DEPTOR: variants seen among roughly 807,000 people sequenced by gnomAD.
The protein encoded by DEPTOR is DEP domain-containing mTOR-interacting protein.
Under a neutral mutation model 41.6 loss-of-function variants are expected in DEPTOR, and 41 were observed. That is an observed-to-expected ratio of 0.98 (90% confidence interval 0.77 to 1.28). DEPTOR has a LOEUF of 1.28. DEPTOR is among the 50% of genes most tolerant of loss of function. DEPTOR has a pLI of 0.00. For synonymous variants in DEPTOR, 195 were observed against 192.3 expected (o/e 1.01, Z -0.12); for missense variants, 514 against 527.9 (o/e 0.97, Z 0.26).
At position 120,001,620 on chromosome 8, in the gene DEPTOR, A is replaced by C. The variant is rs753687397; in HGVS notation, c.700A>C (p.Lys234Gln). The change falls in exon 5 of 9, where the codon AAG becomes CAG. Residue 234 changes from lysine to glutamine, a missense_variant. Transcript: ENST00000286234. ...AAGACTGATGGAGCTGCTCAATGAAAAGTCCCCCTCCTCCCAGGAAACTCA... is the reference window on the plus strand; with the variant it reads ...AAGACTGATGGAGCTGCTCAATGAACAGTCCCCCTCCTCCCAGGAAACTCA... Reference protein sequence around the residue: ...RRRLMELLNEKSPSSQETHDS... With the variant: ...RRRLMELLNEQSPSSQETHDS... 2 of 1,613,976 alleles carry C rather than the reference A, an allele frequency of 1.2e-6. No individual in the cohort carries two copies. Among genetic ancestry groups the C allele is most frequent in the Non-Finnish European group, 1.7e-6 (2 of 1,179,962 alleles).
intron 2 of DEPTOR, 126 bp downstream of exon 2, chr8:119,928,704 G>T (rs1828000096): frequency 3.2e-6 from 3 of 928,324 alleles, no homozygotes; most frequent in Non-Finnish European, 2.9e-6. Context: ...CTCCCTGATT[G>T]CATTTTCTTC....
chr8:120,019,963 C>A (rs1812673945), intron 8 of DEPTOR, among the ~76,000 whole-genome samples: 2 of 152,188 alleles, frequency 1.3e-5, no homozygotes, highest in East Asian at 1.9e-4. Flanking sequence ...TGACTGATTT[C>A]ATTGGATTTC....
In DEPTOR at chr8:120,033,373, A is replaced by G. The variant is rs542150903; in HGVS notation, c.1102-16203A>G. On this transcript the variant is annotated intron_variant, in intron 8 of 8. Coordinates refer to ENST00000286234, the MANE Select transcript of DEPTOR (RefSeq NM_022783.4). ...AAGTGCTGGGATTACAGGTGTGAGCAACTGTGTCTAGCTGTGAGCTATATT... is the reference window on the plus strand; with the variant it reads ...AAGTGCTGGGATTACAGGTGTGAGCGACTGTGTCTAGCTGTGAGCTATATT... 9.9e-5 allele frequency among the ~76,000 whole-genome samples: 15 copies of G among 152,156 alleles called. No individual in the cohort carries two copies. The East Asian group carries it at 2.5e-3, about 26-fold the overall frequency.
chr8:120,011,655 C>T (rs1167582159), intron 8 of DEPTOR, among the ~76,000 whole-genome samples: 1 of 152,064 alleles, frequency 6.6e-6, no homozygotes. Context: ...AACTAAAGAC[C>T]TTGTTTTGCT....
chr8:119,874,369 C>T (rs1362656139), intron 1 of DEPTOR: 1 of 234,126 alleles, frequency 4.3e-6, no homozygotes, highest in Non-Finnish European at 8.3e-6. Flanking sequence ...GGTCCCGAGG[C>T]GACCCCAGCC....
chr8:120,037,523 G>T (rs1230252635), intron 8 of DEPTOR, among the ~76,000 whole-genome samples: 2 of 152,250 alleles, frequency 1.3e-5, no homozygotes, highest in South Asian at 2.1e-4. Flanking sequence ...GGGGGAGCTT[G>T]CTGGCTGAAG....
At chr8:119,890,635 A>G (rs1827440892) in intron 1 of DEPTOR, among the ~76,000 whole-genome samples, 1 of 152,142 alleles carries the variant, frequency 6.6e-6, no homozygotes, top group South Asian at 2.1e-4. Flanking sequence ...GCGACAATTC[A>G]GTCATTTGTT....
At chr8:120,014,930 G>T (rs1812587163) in intron 8 of DEPTOR, among the ~76,000 whole-genome samples, 1 of 150,594 alleles carries the variant, frequency 6.6e-6, no homozygotes, top group Non-Finnish European at 1.5e-5. Flanking sequence ...ATCACATCAA[G>T]TCTAAACCCA....
At chr8:119,889,015 A>C (rs1827411839) in intron 1 of DEPTOR, among the ~76,000 whole-genome samples, 2 of 152,224 alleles carry the variant, frequency 1.3e-5, no homozygotes, top group Non-Finnish European at 1.5e-5. Context: ...TGGAAATCTC[A>C]TGTCTCATAC....
At chr8:119,977,356 C>A (rs751811875) in intron 4 of DEPTOR, among the ~76,000 whole-genome samples, 25 of 151,948 alleles carry the variant, frequency 1.6e-4, no homozygotes, top group Non-Finnish European at 2.5e-4. Flanking sequence ...CTGGTATAAT[C>A]ATTCTTAGCT....
At chr8:119,977,022 A>C (rs79889489) in intron 4 of DEPTOR, among the ~76,000 whole-genome samples, 7,499 of 152,186 alleles carry the variant, frequency 0.049, 266 homozygotes, top group South Asian at 0.17. Context: ...TTTTTATTAG[A>C]TGGAGTCTTA....
chr8:119,949,703 A>G (rs1184707709), intron 3 of DEPTOR, among the ~76,000 whole-genome samples: 1 of 152,102 alleles, frequency 6.6e-6, no homozygotes. Context: ...ATTTTGAGAC[A>G]GAGTCTTACT....
intron 3 of DEPTOR, among the ~76,000 whole-genome samples, chr8:119,940,140 G>A (rs565646513): frequency 1.3e-5 from 2 of 151,450 alleles, no homozygotes; most frequent in South Asian, 2.1e-4. Context: ...TCGCTTGAAC[G>A]CAGGAGGTGG....
At chr8:119,930,500 G>C (rs1395598821) in intron 3 of DEPTOR, among the ~76,000 whole-genome samples, 1 of 152,164 alleles carries the variant, frequency 6.6e-6, no homozygotes, top group Non-Finnish European at 1.5e-5. Flanking sequence ...GCCTCCCAAA[G>C]TGCTGTCATT....
chr8:119,992,635 C>A (rs1334583968), intron 4 of DEPTOR, among the ~76,000 whole-genome samples: 1 of 151,448 alleles, frequency 6.6e-6, no homozygotes, highest in Non-Finnish European at 1.5e-5. Context: ...CTTCCTCCTT[C>A]CAACTAGATA....
At chr8:119,911,401 C>T (rs1827735050) in intron 1 of DEPTOR, among the ~76,000 whole-genome samples, 1 of 150,958 alleles carries the variant, frequency 6.6e-6, no homozygotes, top group African/African-American at 2.5e-5. Context: ...TCACCACAAC[C>T]TCCGTCTCCC....
At chr8:120,045,168 A>G (rs542861364) in intron 8 of DEPTOR, among the ~76,000 whole-genome samples, 25 of 151,860 alleles carry the variant, frequency 1.6e-4, no homozygotes, top group Non-Finnish European at 3.5e-4. Context: ...CTCTGACCCC[A>G]CTCTTGACTG....
At chr8:119,923,894 T>TTTTCTTTTC (rs1491434995) in intron 1 of DEPTOR, among the ~76,000 whole-genome samples, 1 of 40,212 alleles carries the variant, frequency 2.5e-5, no homozygotes, top group African/African-American at 2.6e-4. Flanking sequence ...TTTTTCTTTC[T>TTTTCTTTTC]TTTTTTTTTT....
chr8:119,923,925 A>T (rs1827931762), intron 1 of DEPTOR, among the ~76,000 whole-genome samples: 1 of 108,354 alleles, frequency 9.2e-6, no homozygotes, highest in Non-Finnish European at 1.8e-5. Flanking sequence ...TTTGCTTCAC[A>T]GTATCACATA....
Sources: allele counts gnomAD v4.1 joint callset (sites outside exome capture counted in the v4.1 genomes callset), GRCh38; gene constraint gnomAD v4.1.1; transcripts MANE v1.5; gene names NCBI Gene and HGNC (gene_info 2026-07-23, HGNC 2026-07-21).